The following DISP1 variants were observed in gnomAD, a reference collection of about 807,000 sequenced individuals.
DISP1 encodes protein dispatched homolog 1.
Under a neutral mutation model 37.3 loss-of-function variants are expected in DISP1, and 30 were observed. The ratio of observed to expected loss-of-function variants is 0.80; its 90% confidence interval spans 0.60 to 1.09. DISP1 has a LOEUF of 1.09. DISP1 is among the 50% of genes least tolerant of loss of function. DISP1 has a pLI of 0.00. For synonymous variants in DISP1, 634 were observed against 690.2 expected, an observed-to-expected ratio of 0.92 and a Z score of 1.28; for missense variants, 1,598 against 1,879.5, an observed-to-expected ratio of 0.85 and a Z score of 2.77.
chr1:222,858,296 A>G (rs1383552347), intron 1 of DISP1, among the ~76,000 whole-genome samples: 1 of 152,144 alleles, frequency 6.6e-6, no homozygotes, highest in Non-Finnish European at 1.5e-5. Context: ...TTGAAAGTGG[A>G]CCCCTTCCTT....
chr1:222,876,141 C>G (rs1669960974), intron 1 of DISP1, among the ~76,000 whole-genome samples: 1 of 152,124 alleles, frequency 6.6e-6, no homozygotes, highest in Non-Finnish European at 1.5e-5. Flanking sequence ...TTTAGGACAT[C>G]TGCCACAGAC....
intron 8 of DISP1, among the ~76,000 whole-genome samples, chr1:222,996,768 C>T (rs1459541331): frequency 2.0e-5 from 3 of 152,150 alleles, no homozygotes; most frequent in Non-Finnish European, 4.4e-5. Context: ...TGAACTCCAG[C>T]GTCTGCCTTT....
chr1:222,922,378 A>C (rs1018029794), intron 1 of DISP1, among the ~76,000 whole-genome samples: 2 of 152,142 alleles, frequency 1.3e-5, no homozygotes, highest in African/African-American at 4.8e-5. Context: ...GTAGTAATTC[A>C]AGGGAAAGTT....
chr1:222,927,671 G>C (rs1388522965), intron 1 of DISP1, among the ~76,000 whole-genome samples: 2 of 152,162 alleles, frequency 1.3e-5, no homozygotes, highest in Admixed American at 1.3e-4. Context: ...GTCATGAAGA[G>C]TTAGATTTCA....
chr1:222,996,103 C>T (rs967779459), intron 8 of DISP1, among the ~76,000 whole-genome samples: 3 of 152,302 alleles, frequency 2.0e-5, no homozygotes, highest in African/African-American at 7.2e-5. Flanking sequence ...TCTGTCAGTG[C>T]TATCTTCCTT....
chr1:222,853,945 A>C (rs960427015), intron 1 of DISP1, among the ~76,000 whole-genome samples: 7 of 152,212 alleles, frequency 4.6e-5, no homozygotes, highest in African/African-American at 1.4e-4. Context: ...TGAATATGCT[A>C]ACTACCCTCA....
chr1:222,988,684 G>T (rs1225450339), intron 4 of DISP1, among the ~76,000 whole-genome samples: 4 of 119,356 alleles, frequency 3.4e-5, no homozygotes, highest in Non-Finnish European at 4.9e-5. Flanking sequence ...TTTTGACAGA[G>T]TGTTGCTCAC....
At chr1:222,988,083 A>G (rs1678404640) in intron 4 of DISP1, among the ~76,000 whole-genome samples, 1 of 152,250 alleles carries the variant, frequency 6.6e-6, no homozygotes, top group African/African-American at 2.4e-5. Flanking sequence ...GAACAACCAC[A>G]ATCAGCTTAT....
intron 1 of DISP1, among the ~76,000 whole-genome samples, chr1:222,904,949 A>G (rs961114193): frequency 1.3e-5 from 2 of 152,238 alleles, no homozygotes; most frequent in African/African-American, 4.8e-5. Flanking sequence ...GTTACCAGAA[A>G]GACATAAAAA....
intron 4 of DISP1, among the ~76,000 whole-genome samples, chr1:222,986,950 C>A (rs187748971): frequency 2.6e-5 from 4 of 152,040 alleles, no homozygotes; most frequent in Non-Finnish European, 5.9e-5. Flanking sequence ...ATTTGATATG[C>A]AGAAGAATAC....
At chr1:222,979,033 A>G (rs1174440949) in intron 3 of DISP1, among the ~76,000 whole-genome samples, 1 of 152,106 alleles carries the variant, frequency 6.6e-6, no homozygotes, top group Non-Finnish European at 1.5e-5. Context: ...TGAACTTTAA[A>G]GTAGTTTTTT....
chr1:222,856,027 T>G (rs1341032693), intron 1 of DISP1, among the ~76,000 whole-genome samples: 1 of 152,220 alleles, frequency 6.6e-6, no homozygotes, highest in Non-Finnish European at 1.5e-5. Context: ...ATTATTTGGC[T>G]TGGCAGCTCC....
intron 1 of DISP1, among the ~76,000 whole-genome samples, chr1:222,870,801 G>C (rs188284179): frequency 3.3e-5 from 5 of 152,148 alleles, no homozygotes; most frequent in Admixed American, 2.6e-4. Flanking sequence ...TTAATTAGAT[G>C]CCATTTGTCA....
At chr1:222,963,303 G>A (rs1441821194) in intron 3 of DISP1, among the ~76,000 whole-genome samples, 1 of 152,188 alleles carries the variant, frequency 6.6e-6, no homozygotes, top group Non-Finnish European at 1.5e-5. Context: ...GGAGAAGTAG[G>A]AACACTTTAC....
At chr1:222,930,290 G>A (rs1424489591) in intron 2 of DISP1, among the ~76,000 whole-genome samples, 1 of 152,026 alleles carries the variant, frequency 6.6e-6, no homozygotes, top group Non-Finnish European at 1.5e-5. Flanking sequence ...ACATACAGAT[G>A]ATATGAACAT....
At chr1:222,816,989 T>G (rs976813878) in intron 1 of DISP1, among the ~76,000 whole-genome samples, 4 of 152,228 alleles carry the variant, frequency 2.6e-5, no homozygotes, top group Admixed American at 6.5e-5. Flanking sequence ...CTTTAGACAT[T>G]AGTTCATGGT....
At chr1:222,847,292 C>T (rs761755296) in intron 1 of DISP1, among the ~76,000 whole-genome samples, 1 of 152,128 alleles carries the variant, frequency 6.6e-6, no homozygotes, top group Non-Finnish European at 1.5e-5. Flanking sequence ...CTTATACTTT[C>T]CCTGTTCTAG....
At chr1:222,868,455 T>G (rs1335238197) in intron 1 of DISP1, among the ~76,000 whole-genome samples, 1 of 152,158 alleles carries the variant, frequency 6.6e-6, no homozygotes, top group East Asian at 1.9e-4. Context: ...ATTCATTATA[T>G]CATGAAGTGT....
At chr1:222,865,946 T>G (rs2125334330) in intron 1 of DISP1, among the ~76,000 whole-genome samples, 1 of 152,264 alleles carries the variant, frequency 6.6e-6, no homozygotes, top group South Asian at 2.1e-4. Flanking sequence ...GGTTTTACAG[T>G]CATGCAGTAT....
Sources: allele counts gnomAD v4.1 joint callset (sites outside exome capture counted in the v4.1 genomes callset), GRCh38; gene constraint gnomAD v4.1.1; transcripts MANE v1.5; gene names NCBI Gene and HGNC (gene_info 2026-07-23, HGNC 2026-07-21).